The following LRRC51 variants were observed in gnomAD, a reference collection of about 807,000 sequenced individuals.
LRRC51 encodes leucine-rich repeat-containing protein 51.
LRRC51 carries 8 observed loss-of-function variants against 17.8 expected under a neutral mutation model. The observed-to-expected ratio is 0.45, with a 90% CI of 0.26 to 0.81. The LOEUF (loss-of-function observed/expected upper bound fraction) is 0.81, where lower values mean the gene tolerates loss of function less well. Ranked by LOEUF, LRRC51 falls within the 30% of genes least tolerant of loss-of-function variation. LRRC51 has a pLI of 0.17. For synonymous variants in LRRC51, 92 were observed against 96.0 expected (o/e 0.96, Z 0.24); for missense variants, 233 against 239.3 (o/e 0.97, Z 0.17).
chr11:72,095,043 G>GCTC lies in LRRC51; in HGVS notation c.386_388dup (p.Leu129dup), dbSNP rs1565321178. On this transcript the variant is annotated inframe_insertion, in exon 5 of 6. Coordinates refer to ENST00000289488, the MANE Select transcript of LRRC51 (RefSeq NM_145309.6). ...TGAATAAGCTGGCTGTCCTTCCTCG[G>GCTC]CTCCGTAGCCTGACACTCCATGGGA... is the stretch of plus-strand genomic sequence containing the variant. 6.2e-7 allele frequency: 1 copy of GCTC among 1,613,918 alleles called. No individual in the cohort carries two copies. Among genetic ancestry groups the GCTC allele is most frequent in the Non-Finnish European group, 8.5e-7 (1 of 1,179,956 alleles).
chr11:72,090,773 G>A (rs1057353628), intron 3 of LRRC51, among the ~76,000 whole-genome samples: 2 of 152,200 alleles, frequency 1.3e-5, no homozygotes, highest in Non-Finnish European at 2.9e-5. Flanking sequence ...AACCTAGAGT[G>A]TTAAGGAAGT....
chr11:72,088,310 T>G lies in LRRC51; in HGVS notation c.-126T>G. 4.3e-6 allele frequency: 3 copies of G among 701,494 alleles called. No homozygotes were observed. The South Asian group carries it at 4.4e-5, about 10-fold the overall frequency. The allele number at this position is 701,494 out of a possible 1,614,324, so 43.5% of individuals were successfully genotyped here. ...CATCCCTGTCAGGGAGTATTTCCAT[T>G]TTAACCGGAAACAATCCCTGAACCC... is the stretch of plus-strand genomic sequence containing the variant. On this transcript the variant is annotated 5_prime_UTR_variant, in exon 2 of 6. It adds an upstream start codon to the 5' untranslated region. Coordinates refer to ENST00000289488, the MANE Select transcript of LRRC51 (RefSeq NM_145309.6).
At chr11:72,082,003 T>G (rs1753317027) in intron 1 of LRRC51, among the ~76,000 whole-genome samples, 1 of 152,188 alleles carries the variant, frequency 6.6e-6, no homozygotes, top group Non-Finnish European at 1.5e-5. Context: ...ACTCCAGTTC[T>G]CCGACTTCCA....
At position 72,096,657 on chromosome 11, in the gene LRRC51, C is replaced by G; in HGVS notation, c.*1137C>G. 6.5e-7 allele frequency: 1 copy of G among 1,541,708 alleles called. No homozygotes were observed. The highest frequency in any genetic ancestry group is 8.8e-7 in the Non-Finnish European group (1 of 1,142,600). ...GAAATTTATCTAACTCTCTGGGCCC[C>G]TTTGTACTTTTCAGCTTAGAGATTT... On this transcript the variant is annotated 3_prime_UTR_variant, in exon 6 of 6. Transcript: ENST00000289488.
In LRRC51 at chr11:72,095,360, G is replaced by C; in HGVS notation, c.438-19G>C. 1 of 1,613,678 alleles carries C rather than the reference G, an allele frequency of 6.2e-7. No homozygotes were observed. The highest frequency in any genetic ancestry group is 8.5e-7 in the Non-Finnish European group (1 of 1,180,018). ...ATTCTGGTGGGGGTGCTGGCCCCCA[G>C]CCTAAGTCTTCCCCACAGGCAATAT... On this transcript the variant is annotated intron_variant, in intron 5 of 5. Transcript: ENST00000289488.
intron 3 of LRRC51, 106 bp downstream of exon 3, chr11:72,089,271 A>T (rs1944717914): frequency 1.3e-6 from 2 of 1,553,296 alleles, no homozygotes. Flanking sequence ...TTCTTCCCAT[A>T]TGCTTGCAGA....
chr11:72,088,032 G>C (rs1322402546), intron 1 of LRRC51, among the ~76,000 whole-genome samples: 1 of 152,220 alleles, frequency 6.6e-6, no homozygotes, highest in Non-Finnish European at 1.5e-5. Context: ...GCAGTGGATG[G>C]AATGAGAAAG....
At position 72,093,514 on chromosome 11, in the gene LRRC51, C is replaced by T. The variant is rs1180737863; in HGVS notation, c.101C>T (p.Pro34Leu). The change falls in exon 4 of 6, where the codon CCA (proline) becomes CTA (leucine). Residue 34 changes from proline to leucine, a missense_variant. Transcript: ENST00000289488. Reference protein sequence around the residue: ...HVIQDLVNEEPRTGLRPLKRS... With the variant: ...HVIQDLVNEELRTGLRPLKRS... ...CCCACAGATCTGGTAAATGAGGAGC[C>T]AAGGACAGGACTACGACCACTGAAG... The T allele has an allele frequency of 6.2e-7, 1 of 1,613,406 alleles. No homozygotes were observed. The highest frequency in any genetic ancestry group is 8.5e-7 in the Non-Finnish European group (1 of 1,179,786).
chr11:72,095,198 C>T, intron 5 of LRRC51, 102 bp downstream of exon 5: 2 of 1,564,214 alleles, frequency 1.3e-6, no homozygotes, highest in Non-Finnish European at 1.7e-6. Context: ...CATGCTTGGA[C>T]CTGGGAAGGG....
intron 1 of LRRC51, among the ~76,000 whole-genome samples, chr11:72,081,771 A>C (rs1307067366): frequency 2.6e-5 from 4 of 152,014 alleles, no homozygotes; most frequent in South Asian, 2.1e-4. Context: ...GTGGTCCGCT[A>C]CTCAAAGCTC....
chr11:72,094,391 G>A (rs1945047468), intron 4 of LRRC51: 2 of 417,490 alleles, frequency 4.8e-6, no homozygotes, highest in Non-Finnish European at 8.6e-6. Flanking sequence ...TGTGACCTGT[G>A]CTGGGTTCTC....
At chr11:72,082,527 CA>C (rs1944299678) in intron 1 of LRRC51, among the ~76,000 whole-genome samples, 1 of 152,188 alleles carries the variant, frequency 6.6e-6, no homozygotes, top group African/African-American at 2.4e-5. Flanking sequence ...TAGGATACCT[CA>C]AAGGCAACCC....
At chr11:72,083,054 G>A (rs748265545) in intron 1 of LRRC51, among the ~76,000 whole-genome samples, 9 of 152,108 alleles carry the variant, frequency 5.9e-5, no homozygotes, top group East Asian at 1.9e-4. Context: ...TAGTAGAGAC[G>A]GGGTTTCTCC....
At chr11:72,092,462 T>C (rs914163429) in intron 3 of LRRC51, among the ~76,000 whole-genome samples, 6 of 152,244 alleles carry the variant, frequency 3.9e-5, no homozygotes, top group Non-Finnish European at 8.8e-5. Flanking sequence ...ACAGCCAAAT[T>C]GGTCATTTGG....
At chr11:72,094,339 T>C (rs547703258) in intron 4 of LRRC51, 1 of 238,206 alleles carries the variant, frequency 4.2e-6, no homozygotes, top group East Asian at 9.7e-5. Flanking sequence ...AACTGGTACA[T>C]CAGAGGCTGA....
intron 1 of LRRC51, among the ~76,000 whole-genome samples, chr11:72,081,450 A>G (rs1944193593): frequency 6.6e-6 from 1 of 152,004 alleles, no homozygotes; most frequent in East Asian, 1.9e-4. Flanking sequence ...ACAAAACAAA[A>G]ACAAAACAAA....
At chr11:72,094,828 G>T (rs1565320806) in intron 4 of LRRC51, 120 bp from the exon 5 acceptor site, 1 of 1,579,156 alleles carries the variant, frequency 6.3e-7, no homozygotes, top group East Asian at 2.2e-5. Flanking sequence ...GGCTGTGGAG[G>T]GTTGGAGTGG....
At chr11:72,089,581 T>C in intron 3 of LRRC51, 1 of 1,194,706 alleles carries the variant, frequency 8.4e-7, no homozygotes, top group Non-Finnish European at 1.1e-6. Context: ...CACAGGCTCC[T>C]GTGGAGTCCC....
chr11:72,086,973 T>A (rs2136490156), intron 1 of LRRC51, among the ~76,000 whole-genome samples: 1 of 152,308 alleles, frequency 6.6e-6, no homozygotes, highest in East Asian at 1.9e-4. Flanking sequence ...TTCCTCTATT[T>A]TTACAAAAGA....
Sources: gnomAD v4.1 joint callset for allele counts (sites outside exome capture counted in the v4.1 genomes callset) on GRCh38, gnomAD v4.1.1 for gene constraint, MANE v1.5 for transcripts, NCBI Gene and HGNC (gene_info 2026-07-23, HGNC 2026-07-21) for gene names.